The following NOTCH3 variants were observed in gnomAD, a reference collection of about 807,000 sequenced individuals.
The protein encoded by NOTCH3 is notch receptor 3.
In NOTCH3, 86 loss-of-function variants were observed where a neutral mutation model predicts 213.3. That is an observed-to-expected ratio of 0.40 (90% CI 0.34 to 0.48). The LOEUF is 0.48. NOTCH3 is among the 20% of genes least tolerant of loss of function. The probability of loss-of-function intolerance (pLI) is 0.57; values close to 1 mark genes in which losing one functional copy is unlikely to be tolerated. For synonymous variants in NOTCH3, 1,354 were observed against 1,355.9 expected (o/e 1.00, Z 0.03); for missense variants, 2,783 against 3,272.6 (o/e 0.85, Z 3.65).
intron 1 of NOTCH3, among the ~76,000 whole-genome samples, chr19:15,200,232 G>A (rs552960626): frequency 2.0e-5 from 3 of 151,650 alleles, no homozygotes; most frequent in South Asian, 4.1e-4. Flanking sequence ...GGGGGCGCGC[G>A]CGCCGCCGAG....
intron 18 of NOTCH3, 47 bp from the exon 19 acceptor site, chr19:15,180,875 C>G (rs1338345612): frequency 4.4e-6 from 7 of 1,605,716 alleles, no homozygotes; most frequent in Non-Finnish European, 5.9e-6. Flanking sequence ...GGGGGGTAGT[C>G]TGGGAGAAAC....
chr19:15,177,323 T>C (rs1483410504), intron 24 of NOTCH3, among the ~76,000 whole-genome samples: 3 of 150,574 alleles, frequency 2.0e-5, no homozygotes, highest in African/African-American at 7.3e-5. Flanking sequence ...CATAGGCAGA[T>C]AGAAACAAGA....
In NOTCH3 at chr19:15,160,370, G is replaced by C; in HGVS notation, c.*292C>G. The C allele has an allele frequency of 2.3e-6, 1 of 444,426 alleles. No individual in the cohort carries two copies. The highest frequency in any genetic ancestry group is 3.8e-5 in the South Asian group (1 of 26,594). 27.5% of individuals were successfully genotyped at this position (444,426 alleles called of 1,614,324 possible). A position where few individuals can be genotyped will look rare whatever the true frequency, so the allele number is the denominator to read the frequency against. ...CATGTCAGAGTGTAAGGAAATGAGA[G>C]GCCAGAAGGAGAGAGAAAGGAATGA... On this transcript the variant is annotated 3_prime_UTR_variant, in exon 33 of 33. Transcript: ENST00000263388.
chr19:15,189,496 A>G (rs2046911587), intron 6 of NOTCH3, 68 bp from the exon 7 acceptor site: 1 of 1,564,716 alleles, frequency 6.4e-7, no homozygotes, highest in Admixed American at 1.7e-5. Flanking sequence ...ACACCCCTTG[A>G]GTATTGTTTT....
chr19:15,196,140 C>CG lies in NOTCH3; in HGVS notation c.197+1359dup, dbSNP rs1219172873. Among the ~76,000 whole-genome samples, 5 of 151,366 alleles carry CG rather than the reference C, an allele frequency of 3.3e-5. No individual in the cohort carries two copies. In the East Asian group the frequency reaches 7.8e-4, roughly 24 times the overall value. On this transcript the variant is annotated intron_variant, in intron 2 of 32. Coordinates refer to ENST00000263388, the MANE Select transcript of NOTCH3 (RefSeq NM_000435.3). ...AGGGAGTGGTTCCCACAGCCCAACT[C>CG]GGAGGACTGAGCCCGCTCCACTCCG...
At chr19:15,191,900 C>T (rs781355839) in intron 4 of NOTCH3, 33 bp from the exon 5 acceptor site, 16 of 1,613,724 alleles carry the variant, frequency 9.9e-6, no homozygotes, top group African/African-American at 9.3e-5. Flanking sequence ...TGGTCACCGC[C>T]GGGCTGGCCT....
At chr19:15,187,426 C>T in intron 10 of NOTCH3, 88 bp from the exon 11 acceptor site, 1 of 1,182,294 alleles carries the variant, frequency 8.5e-7, no homozygotes, top group Non-Finnish European at 1.2e-6. Flanking sequence ...TCAGCTCTAT[C>T]TGAGGCCCTG....
chr19:15,162,363 T>G, intron 32 of NOTCH3, 102 bp downstream of exon 32: 2 of 859,864 alleles, frequency 2.3e-6, no homozygotes, highest in Non-Finnish European at 3.9e-6. Flanking sequence ...TGGGGTTTTA[T>G]TTTGTTTTGT....
Position 15,180,988 on chromosome 19 carries a change from G to C in NOTCH3, c.2967C>G (p.Leu989=), listed in dbSNP as rs765765799. ...GGCACTGCGGGCCCGTGAAGCTCTC[G>C]AGGCAGGTGCAGCGGAAGCCAGGGT... The part of the protein sequence containing the change: ...AAHPGFRCTC[L]ESFTGPQCQT... The change falls in exon 18 of 33, where the codon CTC becomes CTG. Residue 989 remains leucine (L), a synonymous_variant. Transcript: ENST00000263388. 6.9e-6 allele frequency: 11 copies of C among 1,596,960 alleles called. No individual in the cohort carries two copies. The highest frequency in any genetic ancestry group is 1.1e-5 in the South Asian group (1 of 88,530).
At position 15,187,295 on chromosome 19, in the gene NOTCH3, G is replaced by A. The variant is rs988494962; in HGVS notation, c.1650C>T (p.Ser550=). 18 of 1,614,060 alleles carry A rather than the reference G, an allele frequency of 1.1e-5. No homozygotes were observed. Among genetic ancestry groups the A allele is most frequent in the Non-Finnish European group, 1.4e-5 (16 of 1,180,022 alleles). The change falls in exon 11 of 33, where the codon TCC becomes TCT. Residue 550 remains serine, a synonymous_variant. Transcript: ENST00000263388. ...AGCGACCATGGTGGCATGGGTCAGG[G>A]GAGCAGTCGTCCACGTTGCGATCAC... ...TLCDRNVDDC[S]PDPCHHGRCV...
At chr19:15,197,441 G>GGGGCGCCCC in intron 2 of NOTCH3, 59 bp downstream of exon 2, 3 of 768,364 alleles carry the variant, frequency 3.9e-6, no homozygotes, top group East Asian at 2.7e-5. Context: ...AAGACAAATC[G>GGGGCGCCCC]CCCCTCCCCC....
At chr19:15,170,847 A>G (rs764805579) in intron 25 of NOTCH3, 22 bp from the exon 26 acceptor site, 1 of 1,612,046 alleles carries the variant, frequency 6.2e-7, no homozygotes, top group Non-Finnish European at 8.5e-7. Context: ...GCAGGGAGGG[A>G]CCAGAGGGCT....
At chr19:15,162,612 C>A in intron 31 of NOTCH3, 50 bp from the exon 32 acceptor site, 2 of 1,493,774 alleles carry the variant, frequency 1.3e-6, no homozygotes, top group Non-Finnish European at 1.9e-6. Context: ...GTCCTGGGGC[C>A]CCCATGTCAG....
chr19:15,184,929 C>G lies in NOTCH3; in HGVS notation c.2387G>C (p.Cys796Ser), dbSNP rs1425871926. 3 of 1,549,382 alleles carry G rather than the reference C, an allele frequency of 1.9e-6. No individual in the cohort carries two copies. The highest frequency in any genetic ancestry group is 2.6e-6 in the Non-Finnish European group (3 of 1,145,736). ...ACCTTGCCAGCCCTGGGGGCAGGAG[C>G]AGACAGGCAGCTGGCCAGGGGCAGA... ...CESAPGQLPV[C>S]SCPQGWQGPR... The change falls in exon 15 of 33, where the codon TGC becomes TCC. Residue 796 changes from cysteine (C) to serine (S), a missense_variant. By Grantham distance (112) the Cys-to-Ser change is moderately radical (BLOSUM62 -1). Coordinates refer to ENST00000263388, the MANE Select transcript of NOTCH3 (RefSeq NM_000435.3).
rs868774398 is a variant in NOTCH3 at position 15,187,882 on chromosome 19, C to T, written c.1605G>A (p.Glu535=). The change falls in exon 10 of 33, where the codon GAG becomes GAA. Residue 535 remains glutamate, a splice_region_variant and synonymous_variant. Transcript: ENST00000263388. ...CGGACTGTCATTGGCCCGCCTCACC[C>T]TCGGCACAGCGGCACTCGTAGCCAT... The part of the protein sequence containing the change: ...QPDGYECRCA[E]GFEGTLCDRN... 6.5e-7 allele frequency: 1 copy of T among 1,548,484 alleles called. No individual in the cohort carries two copies.
At position 15,188,260 on chromosome 19, in the gene NOTCH3, A is replaced by G; in HGVS notation, c.1467T>C (p.Asn489=). The stretch of plus-strand genomic sequence containing the variant: ...CCGAGGGGCAGGTGCAGCTGAAGCC[A>G]TTGACTCGGTCCTTGCAGACCCCAC... ...VNGGVCKDRV[N]GFSCTCPSGF... Residue 489 remains asparagine, a synonymous_variant, in exon 9 of 33, where the codon AAT becomes AAC. Coordinates refer to ENST00000263388, the MANE Select transcript of NOTCH3 (RefSeq NM_000435.3). 6.2e-7 allele frequency: 1 copy of G among 1,601,164 alleles called. No homozygotes were observed. The highest frequency in any genetic ancestry group is 8.5e-7 in the Non-Finnish European group (1 of 1,173,446).
intron 6 of NOTCH3, among the ~76,000 whole-genome samples, chr19:15,190,735 G>A (rs963798184): frequency 2.6e-5 from 4 of 152,134 alleles, no homozygotes; most frequent in South Asian, 2.1e-4. Context: ...ACAGGCATGC[G>A]CTACCATGCC....
chr19:15,182,485 C>T (rs1014842637), intron 16 of NOTCH3, among the ~76,000 whole-genome samples: 39 of 143,540 alleles, frequency 2.7e-4, no homozygotes, highest in Admixed American at 1.0e-3. Context: ...CCAGTCTGGG[C>T]GACAGAGTGA....
intron 1 of NOTCH3, 35 bp downstream of exon 1, chr19:15,200,753 G>A: frequency 2.4e-6 from 3 of 1,255,926 alleles, no homozygotes; most frequent in East Asian, 3.1e-5. Flanking sequence ...CCCCTCTGCC[G>A]CCCTCGTCCC....
Sources: allele counts gnomAD v4.1 joint callset (sites outside exome capture counted in the v4.1 genomes callset), GRCh38; gene constraint gnomAD v4.1.1; transcripts MANE v1.5; gene names NCBI Gene and HGNC (gene_info 2026-07-23, HGNC 2026-07-21).